EYS: variants seen among roughly 807,000 people sequenced by gnomAD.
EYS encodes the protein protein eyes shut homolog.
A neutral mutation model predicts 282.1 loss-of-function variants in EYS; 250 were observed. The ratio of observed to expected loss-of-function variants is 0.89; its 90% CI spans 0.80 to 0.98. The LOEUF (loss-of-function observed/expected upper bound fraction) is 0.98, where lower values mean the gene tolerates loss of function less well. Among genes scored for constraint, EYS ranks in the 50% least tolerant of loss-of-function variants. EYS has a pLI of 0.00. For synonymous variants in EYS, 1,355 were observed against 1,282.9 expected (o/e 1.06, Z -1.20); for missense variants, 4,016 against 3,709.0 (o/e 1.08, Z -2.15).
At chr6:63,980,908 A>AG (rs1767058408) in intron 35 of EYS, among the ~76,000 whole-genome samples, 2 of 151,914 alleles carry the variant, frequency 1.3e-5, no homozygotes, top group Non-Finnish European at 2.9e-5. Flanking sequence ...CTAACAACAT[A>AG]GATAGGAAGT....
rs146008276 is a variant in EYS at position 65,456,096 on chromosome 6, C to A, written c.862+34498G>T. Among the ~76,000 whole-genome samples the A allele has an allele frequency of 5.9e-4, 90 of 151,984 alleles. No individual in the cohort carries two copies. In the East Asian group the frequency reaches 9.3e-3, roughly 16 times the overall value. On this transcript the variant is annotated intron_variant, in intron 5 of 42. Coordinates refer to ENST00000503581, the MANE Select transcript of EYS (RefSeq NM_001142800.2). ...GAGAGATGCAAGCTACAGGCCATAT[C>A]TCTGAGGGACACAGATACAAAAAAT...
chr6:63,962,861 A>G (rs1766134238), intron 35 of EYS, among the ~76,000 whole-genome samples: 1 of 152,188 alleles, frequency 6.6e-6, no homozygotes, highest in Non-Finnish European at 1.5e-5. Flanking sequence ...AACCAACCCA[A>G]ATGCCCAACA....
At chr6:65,637,940 G>A (rs1160299498) in intron 2 of EYS, among the ~76,000 whole-genome samples, 2 of 152,212 alleles carry the variant, frequency 1.3e-5, no homozygotes, top group Non-Finnish European at 2.9e-5. Flanking sequence ...GGGTGGAAAG[G>A]GGTGCATCCC....
At chr6:64,515,205 A>AT (rs1050591944) in intron 26 of EYS, among the ~76,000 whole-genome samples, 1 of 151,810 alleles carries the variant, frequency 6.6e-6, no homozygotes, top group South Asian at 2.1e-4. Context: ...AAAATACACT[A>AT]TTTTTTACAT....
chr6:65,113,521 A>G (rs1276977995), intron 12 of EYS, among the ~76,000 whole-genome samples: 1 of 152,094 alleles, frequency 6.6e-6, no homozygotes, highest in African/African-American at 2.4e-5. Flanking sequence ...CTATAAAATT[A>G]TAAGCCATGG....
intron 22 of EYS, among the ~76,000 whole-genome samples, chr6:64,789,091 A>G (rs1048851091): frequency 2.0e-5 from 3 of 152,146 alleles, no homozygotes; most frequent in African/African-American, 7.2e-5. Flanking sequence ...CTACTATACA[A>G]TGTCAAGCCA....
intron 19 of EYS, among the ~76,000 whole-genome samples, chr6:64,875,496 A>T (rs1455338565): frequency 6.6e-6 from 1 of 152,004 alleles, no homozygotes; most frequent in African/African-American, 2.4e-5. Context: ...GAGTGGTCTC[A>T]ACTCACCTCA....
intron 14 of EYS, among the ~76,000 whole-genome samples, chr6:64,982,409 T>C (rs1481390772): frequency 6.6e-6 from 1 of 151,408 alleles, no homozygotes; most frequent in Admixed American, 6.6e-5. Flanking sequence ...ATTTACTGTG[T>C]TGCTTTTTAT....
intron 2 of EYS, among the ~76,000 whole-genome samples, chr6:65,615,731 A>G (rs1007986806): frequency 2.0e-5 from 3 of 152,014 alleles, no homozygotes; most frequent in South Asian, 2.1e-4. Context: ...TCAGGAGATC[A>G]AAGTCAACCT....
At chr6:63,939,342 A>T (rs1329540730) in intron 35 of EYS, among the ~76,000 whole-genome samples, 1 of 152,182 alleles carries the variant, frequency 6.6e-6, no homozygotes, top group Non-Finnish European at 1.5e-5. Flanking sequence ...CATCCCCAAT[A>T]ATTTCTTTAG....
intron 33 of EYS, among the ~76,000 whole-genome samples, chr6:64,057,254 T>C (rs1355017977): frequency 6.6e-6 from 1 of 152,182 alleles, no homozygotes; most frequent in Non-Finnish European, 1.5e-5. Context: ...AGAGTTCAGA[T>C]GTTAAATTGT....
At chr6:65,055,872 G>A (rs983185464) in intron 13 of EYS, among the ~76,000 whole-genome samples, 3 of 152,092 alleles carry the variant, frequency 2.0e-5, no homozygotes, top group South Asian at 4.1e-4. Flanking sequence ...GGTAGCAATT[G>A]TCAGACTTCT....
intron 35 of EYS, among the ~76,000 whole-genome samples, chr6:63,961,286 A>T (rs1429510500): frequency 6.6e-6 from 1 of 152,206 alleles, no homozygotes; most frequent in Non-Finnish European, 1.5e-5. Context: ...GAATCACAAA[A>T]GAAGTGAAAG....
chr6:65,102,070 A>G (rs530558987), intron 12 of EYS, among the ~76,000 whole-genome samples: 2 of 151,356 alleles, frequency 1.3e-5, no homozygotes, highest in Non-Finnish European at 1.5e-5. Flanking sequence ...AAGTCAAAAG[A>G]AAAATTAATT....
At chr6:65,082,985 C>T (rs983465563) in intron 12 of EYS, among the ~76,000 whole-genome samples, 2 of 151,758 alleles carry the variant, frequency 1.3e-5, no homozygotes, top group African/African-American at 2.4e-5. Context: ...TATTGATAGG[C>T]GAAATACTAT....
intron 12 of EYS, among the ~76,000 whole-genome samples, chr6:65,292,667 A>T (rs1341870631): frequency 6.6e-6 from 1 of 151,806 alleles, no homozygotes; most frequent in Non-Finnish European, 1.5e-5. Context: ...AGTGAAAATA[A>T]GGCATCAATA....
At position 65,434,130 on chromosome 6, in the gene EYS, A is replaced by G. The variant is rs1236694720; in HGVS notation, c.863-28763T>C. ...TGGAGAGCAATGTGGAGGAGTGAAT[A>G]GTGCAGCATAGTGCTGAGAGCCCTC... On this transcript the variant is annotated intron_variant, in intron 5 of 42. Coordinates refer to ENST00000503581, the MANE Select transcript of EYS (RefSeq NM_001142800.2). Among the ~76,000 whole-genome samples the G allele has an allele frequency of 2.0e-5, 3 of 152,202 alleles. No individual in the cohort carries two copies. In the East Asian group the frequency reaches 5.8e-4, roughly 29 times the overall value.
At chr6:63,738,594 G>T (rs1197245686) in intron 41 of EYS, among the ~76,000 whole-genome samples, 1 of 121,004 alleles carries the variant, frequency 8.3e-6, no homozygotes, top group Admixed American at 9.3e-5. Flanking sequence ...TTGTGGGGTG[G>T]GGGGAGGGGG....
intron 1 of EYS, among the ~76,000 whole-genome samples, chr6:65,657,671 T>C (rs779221395): frequency 5.9e-5 from 9 of 151,882 alleles, no homozygotes; most frequent in Non-Finnish European, 1.0e-4. Context: ...GTGAAGATGC[T>C]GTGAACAGCG....
Sources: gnomAD v4.1 joint callset for allele counts (sites outside exome capture counted in the v4.1 genomes callset) on GRCh38, gnomAD v4.1.1 for gene constraint, MANE v1.5 for transcripts, NCBI Gene and HGNC (gene_info 2026-07-23, HGNC 2026-07-21) for gene names.